The following TNRC6A variants were observed in gnomAD, a reference collection of about 807,000 sequenced individuals.
TNRC6A encodes the protein trinucleotide repeat containing adaptor 6A.
Under a neutral mutation model 221.2 loss-of-function variants are expected in TNRC6A, and 44 were observed. The ratio of observed to expected loss-of-function variants is 0.20; its 90% CI spans 0.16 to 0.26. TNRC6A has a LOEUF of 0.26. TNRC6A is among the 10% of genes least tolerant of loss of function. TNRC6A has a pLI of 1.00. For missense variants in TNRC6A, 2,199 were observed against 2,404.4 expected (o/e 0.91, Z 1.79); for synonymous variants, 847 against 838.5 (o/e 1.01, Z -0.18).
At chr16:24,728,025 C>T (rs181147336), upstream of TNRC6A, among the ~76,000 whole-genome samples, 1 of 152,038 alleles carries the variant, frequency 6.6e-6, no homozygotes, top group African/African-American at 2.4e-5. Context: ...AATCAGTTAA[C>T]GTTTTGGTGC....
At chr16:24,740,802 C>T (rs2056875241) in intron 2 of TNRC6A, among the ~76,000 whole-genome samples, 1 of 152,110 alleles carries the variant, frequency 6.6e-6, no homozygotes, top group African/African-American at 2.4e-5. Context: ...ATCATAACTC[C>T]CTATTGCCTT....
At position 24,816,880 on chromosome 16, in the gene TNRC6A, C is replaced by G. The variant is rs1165259800; in HGVS notation, c.4896C>G (p.Val1632=). The change falls in exon 20 of 25, where the codon GTC becomes GTG. Residue 1632 remains valine, a synonymous_variant. Transcript: ENST00000395799. ...PNIDPETDPY[V]TPGSVINNLS... Reference sequence around the variant, plus strand: ...TTGACCCTGAAACTGACCCTTACGTCACTCCTGGCAGTGTCATAAACAATC... The same window carrying G: ...TTGACCCTGAAACTGACCCTTACGTGACTCCTGGCAGTGTCATAAACAATC... 1.9e-6 allele frequency: 3 copies of G among 1,614,174 alleles called. No homozygotes were observed. The highest frequency in any genetic ancestry group is 2.5e-6 in the Non-Finnish European group (3 of 1,180,034).
chr16:24,806,158 C>T, intron 15 of TNRC6A, 48 bp from the exon 16 acceptor site: 1 of 1,604,164 alleles, frequency 6.2e-7, no homozygotes, highest in Middle Eastern at 1.7e-4. Flanking sequence ...GAAGCACACA[C>T]TTTGTAATGG....
At chr16:24,739,184 A>G (rs1261359449) in intron 2 of TNRC6A, among the ~76,000 whole-genome samples, 1 of 152,172 alleles carries the variant, frequency 6.6e-6, no homozygotes, top group African/African-American at 2.4e-5. Context: ...CATTGCCAGC[A>G]TTTGTTAGGG....
At chr16:24,730,388 C>T (rs1311991493) in intron 2 of TNRC6A, 88 bp downstream of exon 2, 2 of 1,488,660 alleles carry the variant, frequency 1.3e-6, no homozygotes, top group African/African-American at 2.9e-5. Flanking sequence ...GAAGTTCCCC[C>T]GTGACATTTT....
chr16:24,818,534 T>G (rs919597872), intron 20 of TNRC6A, 59 bp from the exon 21 acceptor site: 42 of 1,419,958 alleles, frequency 3.0e-5, no homozygotes, highest in African/African-American at 7.0e-5. Flanking sequence ...AAGCTTTTGC[T>G]TTTTCTGAAC....
chr16:24,653,225 A>G (rs1182184420), intron 2 of TNRC6A, among the ~76,000 whole-genome samples: 1 of 152,224 alleles, frequency 6.6e-6, no homozygotes, highest in Admixed American at 6.5e-5. Flanking sequence ...GAAAAAATAA[A>G]CAAGGGAGCG....
At chr16:24,712,755 C>T (rs561689324) in intron 2 of TNRC6A, among the ~76,000 whole-genome samples, 2 of 152,112 alleles carry the variant, frequency 1.3e-5, no homozygotes, top group East Asian at 3.9e-4. Context: ...TATTTCTGTT[C>T]TGTTTTATTT....
chr16:24,801,907 A>G (rs1390356074), intron 11 of TNRC6A, among the ~76,000 whole-genome samples: 2 of 152,254 alleles, frequency 1.3e-5, no homozygotes, highest in African/African-American at 4.8e-5. Context: ...TGGGGGAAAG[A>G]GTTCACAATG....
intron 4 of TNRC6A, among the ~76,000 whole-genome samples, chr16:24,759,885 C>T (rs1207529579): frequency 6.6e-6 from 1 of 152,060 alleles, no homozygotes; most frequent in South Asian, 2.1e-4. Context: ...TACAAGGATG[C>T]GGAATGTAGG....
At chr16:24,689,974 C>G (rs556635848) in intron 2 of TNRC6A, among the ~76,000 whole-genome samples, 26 of 124,570 alleles carry the variant, frequency 2.1e-4, no homozygotes, top group Non-Finnish European at 3.2e-4. Context: ...TGGTCTCAAA[C>G]TCCTAGGCTT....
chr16:24,749,348 G>A (rs1460512231), intron 2 of TNRC6A, among the ~76,000 whole-genome samples: 1 of 152,100 alleles, frequency 6.6e-6, no homozygotes, highest in Admixed American at 6.5e-5. Context: ...CAGTAAGATG[G>A]GCTTTGTTCT....
intron 2 of TNRC6A, among the ~76,000 whole-genome samples, chr16:24,744,022 G>C (rs1200816957): frequency 6.6e-6 from 1 of 152,146 alleles, no homozygotes; most frequent in Non-Finnish European, 1.5e-5. Context: ...TTGTTTAGTT[G>C]CCTGCATTCT....
intron 5 of TNRC6A, among the ~76,000 whole-genome samples, chr16:24,785,618 C>G (rs941327461): frequency 6.6e-6 from 1 of 152,172 alleles, no homozygotes; most frequent in African/African-American, 2.4e-5. Flanking sequence ...GTTACTACTT[C>G]TAAAACTGGA....
chr16:24,666,550 A>G (rs1465618586), intron 2 of TNRC6A, among the ~76,000 whole-genome samples: 6 of 144,766 alleles, frequency 4.1e-5, no homozygotes, highest in East Asian at 2.1e-4. Flanking sequence ...TGAGGTGGAA[A>G]GATCACTTGA....
In TNRC6A at chr16:24,788,010, T is replaced by C. The variant is rs553494847; in HGVS notation, c.590-1222T>C. ...ATGTACCTCCTCAAGACAGTCAGAA[T>C]GCACGTGACTTATGCAGGTTAATGG... On this transcript the variant is annotated intron_variant, in intron 5 of 24. Coordinates refer to ENST00000395799, the MANE Select transcript of TNRC6A (RefSeq NM_014494.4). 3.1e-4 allele frequency among the ~76,000 whole-genome samples: 47 copies of C among 152,360 alleles called. 1 individual carries two copies. Among genetic ancestry groups the C allele is most frequent in the African/African-American group, 1.1e-3 (45 of 41,580 alleles).
At chr16:24,623,152 A>AATTTATTTATTTATTT (rs199950284) in intron 1 of TNRC6A, among the ~76,000 whole-genome samples, 6 of 143,852 alleles carry the variant, frequency 4.2e-5, no homozygotes, top group Admixed American at 3.5e-4. Flanking sequence ...AAGTGATAAG[A>AATTTATTTATTTATTT]ATTTATTTAT....
In TNRC6A at chr16:24,745,624, A is replaced by G. The variant is rs183951267; in HGVS notation, c.54-5102A>G. On this transcript the variant is annotated intron_variant, in intron 2 of 24. Transcript: ENST00000395799. ...AGTTGCTTCCTGTTTTCTGTCTCCT[A>G]AAGCAAAATAGAGACACCTAACCCC... 1.6e-3 allele frequency among the ~76,000 whole-genome samples: 251 copies of G among 152,188 alleles called. 5 individuals carry two copies. The highest frequency in any genetic ancestry group is 3.1e-4 in the Non-Finnish European group (21 of 68,014).
At chr16:24,772,749 C>G (rs929389365) in intron 4 of TNRC6A, among the ~76,000 whole-genome samples, 26 of 152,222 alleles carry the variant, frequency 1.7e-4, no homozygotes, top group African/African-American at 6.3e-4. Flanking sequence ...CACCACAGCA[C>G]TCCAGCCTGA....
Sources: gnomAD v4.1 joint callset for allele counts (sites outside exome capture counted in the v4.1 genomes callset) on GRCh38, gnomAD v4.1.1 for gene constraint, MANE v1.5 for transcripts, NCBI Gene and HGNC (gene_info 2026-07-23, HGNC 2026-07-21) for gene names.